The following ACVR1 variants were observed in gnomAD, a reference collection of about 807,000 sequenced individuals.
ACVR1 encodes the protein activin receptor type-1.
ACVR1 carries 38 observed loss-of-function variants against 57.1 expected under a neutral mutation model. That is an observed-to-expected ratio of 0.67 (90% CI 0.51 to 0.87). The LOEUF (loss-of-function observed/expected upper bound fraction) is 0.87. Among genes scored for constraint, ACVR1 ranks in the 40% least tolerant of loss-of-function variants. The probability of loss-of-function intolerance (pLI) is 0.00; values close to 1 mark genes in which losing one functional copy is unlikely to be tolerated. For missense variants in ACVR1, 463 were observed against 638.2 expected, an observed-to-expected ratio of 0.73 and a Z score of 2.96; for synonymous variants, 212 against 228.1, an observed-to-expected ratio of 0.93 and a Z score of 0.63.
At chr2:157,840,803 C>T (rs1430917719) in intron 1 of ACVR1, among the ~76,000 whole-genome samples, 2 of 152,244 alleles carry the variant, frequency 1.3e-5, no homozygotes, top group Admixed American at 6.5e-5. Context: ...GGCTGTGAGC[C>T]GCCAAGGCGA....
At chr2:157,756,776 C>T (rs187549110) in intron 9 of ACVR1, among the ~76,000 whole-genome samples, 4 of 151,806 alleles carry the variant, frequency 2.6e-5, no homozygotes, top group Admixed American at 6.6e-5. Context: ...AGTAGAACTA[C>T]AATTTGATCC....
At chr2:157,870,476 A>C (rs1690081215) in intron 1 of ACVR1, among the ~76,000 whole-genome samples, 1 of 152,168 alleles carries the variant, frequency 6.6e-6, no homozygotes, top group Non-Finnish European at 1.5e-5. Context: ...AATCTCTCAA[A>C]AGAGGAGTTT....
At chr2:157,872,311 C>T (rs1008561164) in intron 1 of ACVR1, among the ~76,000 whole-genome samples, 1 of 152,220 alleles carries the variant, frequency 6.6e-6, no homozygotes, top group Admixed American at 6.5e-5. Context: ...CCAGGCCCTG[C>T]TTTAACTTAA....
intron 3 of ACVR1, among the ~76,000 whole-genome samples, chr2:157,792,655 AT>A (rs1226010999): frequency 1.3e-5 from 2 of 152,244 alleles, no homozygotes; most frequent in African/African-American, 4.8e-5. Context: ...GGGTAGCAAA[AT>A]CAACTCAGTA....
intron 1 of ACVR1, among the ~76,000 whole-genome samples, chr2:157,835,823 A>G (rs944834594): frequency 1.3e-5 from 2 of 152,264 alleles, no homozygotes; most frequent in African/African-American, 4.8e-5. Context: ...ACCAGTATGC[A>G]GATTACATCC....
chr2:157,789,230 T>C (rs972083479), intron 3 of ACVR1, among the ~76,000 whole-genome samples: 3 of 152,176 alleles, frequency 2.0e-5, no homozygotes. Flanking sequence ...ACAGAAAGCA[T>C]CTCATTTGAG....
intron 2 of ACVR1, among the ~76,000 whole-genome samples, chr2:157,803,747 A>G (rs1687411576): frequency 6.6e-6 from 1 of 152,108 alleles, no homozygotes; most frequent in Non-Finnish European, 1.5e-5. Flanking sequence ...TTACTCCAGT[A>G]TTTTTTAAAT....
intron 9 of ACVR1, among the ~76,000 whole-genome samples, chr2:157,740,357 T>G (rs953086370): frequency 6.6e-6 from 1 of 152,186 alleles, no homozygotes; most frequent in African/African-American, 2.4e-5. Flanking sequence ...GAGGCCCTTC[T>G]TCTCCTGTAA....
chr2:157,796,927 G>A (rs1687144968), intron 3 of ACVR1, among the ~76,000 whole-genome samples: 1 of 152,034 alleles, frequency 6.6e-6, no homozygotes, highest in South Asian at 2.1e-4. Flanking sequence ...CCATATTATG[G>A]GAATATCTTT....
intron 2 of ACVR1, among the ~76,000 whole-genome samples, chr2:157,809,744 C>T (rs954554775): frequency 7.2e-5 from 11 of 151,944 alleles, no homozygotes; most frequent in South Asian, 2.1e-4. Flanking sequence ...GGTAGAAAGC[C>T]GATAGAGTAG....
At chr2:157,767,440 T>G (rs1685908098) in intron 7 of ACVR1, among the ~76,000 whole-genome samples, 1 of 152,180 alleles carries the variant, frequency 6.6e-6, no homozygotes, top group African/African-American at 2.4e-5. Flanking sequence ...GACGTGTGCT[T>G]GCCTTTTCTG....
chr2:157,774,226 AAT>A (rs1491161547), intron 5 of ACVR1, 39 bp from the exon 6 acceptor site: 1 of 1,528,158 alleles, frequency 6.5e-7, no homozygotes, highest in East Asian at 2.3e-5. Flanking sequence ...ACGATTGAGC[AAT>A]ATAGCTCCCA....
chr2:157,852,178 T>C (rs769302088), intron 1 of ACVR1, among the ~76,000 whole-genome samples: 18 of 151,056 alleles, frequency 1.2e-4, no homozygotes, highest in African/African-American at 2.4e-4. Context: ...TTAGAGAGAA[T>C]TGGGGAGAAA....
At chr2:157,779,303 C>T (rs1023304154) in intron 4 of ACVR1, among the ~76,000 whole-genome samples, 4 of 152,204 alleles carry the variant, frequency 2.6e-5, no homozygotes, top group Non-Finnish European at 4.4e-5. Flanking sequence ...ATTTAACTCA[C>T]AAAGTATAAC....
intron 1 of ACVR1, among the ~76,000 whole-genome samples, chr2:157,847,201 G>A (rs77705296): frequency 0.041 from 6,308 of 152,128 alleles, 152 homozygotes; most frequent in Non-Finnish European, 0.055. Flanking sequence ...CAAATTTAAC[G>A]AAACAATTAT....
chr2:157,867,779 C>T (rs1157694115), intron 1 of ACVR1, among the ~76,000 whole-genome samples: 2 of 152,078 alleles, frequency 1.3e-5, no homozygotes, highest in Non-Finnish European at 2.9e-5. Flanking sequence ...TGCTCTGGTG[C>T]ACTGATGGTG....
intron 1 of ACVR1, among the ~76,000 whole-genome samples, chr2:157,870,735 T>C (rs751711257): frequency 6.6e-6 from 1 of 152,266 alleles, no homozygotes; most frequent in Non-Finnish European, 1.5e-5. Context: ...CACTCTTAAA[T>C]ATAAAAAGAA....
At chr2:157,797,823 G>A (rs147308367) in intron 3 of ACVR1, among the ~76,000 whole-genome samples, 39 of 152,266 alleles carry the variant, frequency 2.6e-4, no homozygotes, top group African/African-American at 7.7e-4. Flanking sequence ...ATTCATGCGA[G>A]TATCTTAACT....
chr2:157,808,879 T>TAA lies in ACVR1; in HGVS notation c.-7-9381_-7-9380dup, dbSNP rs71404307. On this transcript the variant is annotated intron_variant, in intron 2 of 10. Transcript: ENST00000434821. ...CAGAGGTAACAGTCAGTAATACATT[T>TAA]AAAAAAAAAAAAAAAAACAGAAAGT... 8.8e-3 allele frequency among the ~76,000 whole-genome samples: 1,214 copies of TAA among 137,932 alleles called. 13 individuals carry two copies. Among genetic ancestry groups the TAA allele is most frequent in the South Asian group, 0.018 (80 of 4,350 alleles). 90.5% of individuals were successfully genotyped at this position (137,932 alleles called of 152,430 possible). A position where few individuals can be genotyped will look rare whatever the true frequency, so the allele number is the denominator to read the frequency against.
Sources: allele counts gnomAD v4.1 joint callset (sites outside exome capture counted in the v4.1 genomes callset), GRCh38; gene constraint gnomAD v4.1.1; transcripts MANE v1.5; gene names NCBI Gene and HGNC (gene_info 2026-07-23, HGNC 2026-07-21).